The following CLSTN2 variants were observed in gnomAD, a reference collection of about 807,000 sequenced individuals.
The protein encoded by CLSTN2 is calsyntenin 2, also known as calsyntenin-2.
Under a neutral mutation model 101.2 loss-of-function variants are expected in CLSTN2, and 48 were observed. That is an observed-to-expected ratio of 0.47 (90% CI 0.38 to 0.60). The LOEUF is 0.60. Among genes scored for constraint, CLSTN2 ranks in the 20% least tolerant of loss-of-function variants. The pLI is 0.00. For synonymous variants in CLSTN2, 481 were observed against 463.6 expected, an observed-to-expected ratio of 1.04 and a Z score of -0.48; for missense variants, 1,160 against 1,238.2, an observed-to-expected ratio of 0.94 and a Z score of 0.95.
intron 1 of CLSTN2, among the ~76,000 whole-genome samples, chr3:140,049,376 C>T (rs1301463439): frequency 6.6e-6 from 1 of 152,202 alleles, no homozygotes; most frequent in African/African-American, 2.4e-5. Context: ...ATTAGTCTCC[C>T]TTCTTAAATC....
intron 1 of CLSTN2, among the ~76,000 whole-genome samples, chr3:140,002,128 T>C (rs1255780036): frequency 6.6e-6 from 1 of 152,190 alleles, no homozygotes; most frequent in African/African-American, 2.4e-5. Flanking sequence ...CTTTTAGTTT[T>C]CTGAGGAACC....
In CLSTN2 at chr3:140,567,565, T is replaced by C. The variant is rs960164723; in HGVS notation, c.*1312T>C. On this transcript the variant is annotated 3_prime_UTR_variant, in exon 17 of 17. Transcript: ENST00000458420. Reference sequence around the variant, plus strand: ...CAACCTGTGAAGAGAATTGTTTCTATAGTAACTGGTCTGTGATCTTTTGTG... The same window carrying C: ...CAACCTGTGAAGAGAATTGTTTCTACAGTAACTGGTCTGTGATCTTTTGTG... 2.0e-5 allele frequency: 3 copies of C among 152,228 alleles called. No homozygotes were observed. The highest frequency in any genetic ancestry group is 4.8e-5 in the African/African-American group (2 of 41,460). The allele number at this position is 152,228 out of a possible 1,614,324, so 9.4% of individuals were successfully genotyped here. A position where few individuals can be genotyped will look rare whatever the true frequency, so the allele number is the denominator to read the frequency against.
intron 1 of CLSTN2, among the ~76,000 whole-genome samples, chr3:140,132,917 T>G: frequency 6.6e-6 from 1 of 152,366 alleles, no homozygotes; most frequent in East Asian, 1.9e-4. Flanking sequence ...AATGTCTTCA[T>G]TTTAAAGGAT....
At chr3:140,400,080 G>A (rs1029075076) in intron 2 of CLSTN2, among the ~76,000 whole-genome samples, 1 of 152,068 alleles carries the variant, frequency 6.6e-6, no homozygotes, top group Non-Finnish European at 1.5e-5. Context: ...GCTACAACAG[G>A]GTTCCTTGGT....
intron 2 of CLSTN2, among the ~76,000 whole-genome samples, chr3:140,367,221 C>T (rs1053492389): frequency 2.6e-5 from 4 of 151,936 alleles, no homozygotes; most frequent in Non-Finnish European, 4.4e-5. Context: ...TTGATCTTAG[C>T]CAAAAGACCG....
At chr3:140,155,079 C>T (rs1407708205) in intron 1 of CLSTN2, among the ~76,000 whole-genome samples, 10 of 152,170 alleles carry the variant, frequency 6.6e-5, no homozygotes, top group Admixed American at 6.5e-4. Flanking sequence ...ACCATATCCA[C>T]AGCCTTGAGA....
chr3:140,122,001 T>C (rs2009348682), intron 1 of CLSTN2, among the ~76,000 whole-genome samples: 1 of 152,130 alleles, frequency 6.6e-6, no homozygotes, highest in Non-Finnish European at 1.5e-5. Context: ...ACATCAGTAA[T>C]AGCTTTAGGG....
At chr3:140,364,183 G>A (rs747926039) in intron 2 of CLSTN2, among the ~76,000 whole-genome samples, 7 of 151,990 alleles carry the variant, frequency 4.6e-5, no homozygotes, top group Non-Finnish European at 7.4e-5. Context: ...GTTATTTTTC[G>A]TGTGAAGCAG....
intron 2 of CLSTN2, among the ~76,000 whole-genome samples, chr3:140,188,822 C>T (rs2010517969): frequency 6.6e-6 from 1 of 152,102 alleles, no homozygotes; most frequent in Non-Finnish European, 1.5e-5. Context: ...TCACGCAAAG[C>T]TATGGTAAAA....
At chr3:140,324,807 G>A (rs1446963471) in intron 2 of CLSTN2, among the ~76,000 whole-genome samples, 1 of 152,128 alleles carries the variant, frequency 6.6e-6, no homozygotes, top group Non-Finnish European at 1.5e-5. Flanking sequence ...CAGATTTGTT[G>A]AAACAAGTGA....
intron 8 of CLSTN2, among the ~76,000 whole-genome samples, chr3:140,490,369 C>T (rs1934329541): frequency 1.3e-5 from 2 of 151,076 alleles, no homozygotes; most frequent in Admixed American, 6.6e-5. Flanking sequence ...CTAGACACAT[C>T]CCCAGAAGCA....
At chr3:140,306,733 A>G (rs994342701) in intron 2 of CLSTN2, among the ~76,000 whole-genome samples, 3 of 152,098 alleles carry the variant, frequency 2.0e-5, no homozygotes, top group Non-Finnish European at 4.4e-5. Flanking sequence ...CACCCACATC[A>G]TGTGGCTTTT....
intron 1 of CLSTN2, among the ~76,000 whole-genome samples, chr3:140,174,867 G>T (rs2010296511): frequency 6.6e-6 from 1 of 152,108 alleles, no homozygotes; most frequent in Admixed American, 6.5e-5. Context: ...TGGGAATCTG[G>T]GAACAAAAAC....
chr3:139,963,640 T>G (rs1321493157), intron 1 of CLSTN2, among the ~76,000 whole-genome samples: 1 of 152,338 alleles, frequency 6.6e-6, no homozygotes, highest in South Asian at 2.1e-4. Flanking sequence ...GAGTCACTCA[T>G]CACAGTAATC....
chr3:140,122,962 G>C (rs114899164), intron 1 of CLSTN2, among the ~76,000 whole-genome samples: 1,794 of 152,196 alleles, frequency 0.012, 30 homozygotes, highest in African/African-American at 0.041. Flanking sequence ...GCTTTGGAGA[G>C]GTAGTTAGTT....
chr3:140,261,320 G>A (rs550610652), intron 2 of CLSTN2, among the ~76,000 whole-genome samples: 11 of 152,192 alleles, frequency 7.2e-5, no homozygotes, highest in South Asian at 6.2e-4. Context: ...TTATAATTCA[G>A]TACTACTTTA....
intron 5 of CLSTN2, among the ~76,000 whole-genome samples, chr3:140,439,337 G>C (rs948377922): frequency 6.6e-6 from 1 of 152,342 alleles, no homozygotes; most frequent in South Asian, 2.1e-4. Context: ...TCAGCGAGGG[G>C]CTGCCTGCAG....
chr3:140,168,854 A>T (rs2010172239), intron 1 of CLSTN2, among the ~76,000 whole-genome samples: 1 of 152,082 alleles, frequency 6.6e-6, no homozygotes, highest in African/African-American at 2.4e-5. Context: ...TGATGTATAC[A>T]TCTATCTTTA....
intron 1 of CLSTN2, among the ~76,000 whole-genome samples, chr3:139,966,748 G>A (rs1041317500): frequency 1.3e-5 from 2 of 152,186 alleles, no homozygotes; most frequent in African/African-American, 4.8e-5. Flanking sequence ...GCTCATAAGT[G>A]TTTGTTGATG....
Sources: allele counts gnomAD v4.1 joint callset (sites outside exome capture counted in the v4.1 genomes callset), GRCh38; gene constraint gnomAD v4.1.1; transcripts MANE v1.5; gene names NCBI Gene and HGNC (gene_info 2026-07-23, HGNC 2026-07-21).